Variants in MRPS35 observed in about 807,000 individuals in gnomAD.
The protein encoded by MRPS35 is mitochondrial ribosomal protein S35.
A neutral mutation model predicts 32.7 loss-of-function variants in MRPS35; 29 were observed. That is an observed-to-expected ratio of 0.89 (90% CI 0.66 to 1.21). MRPS35 has a LOEUF of 1.21. MRPS35 is among the 50% of genes most tolerant of loss of function. MRPS35 has a pLI of 0.00. For synonymous variants in MRPS35, 148 were observed against 139.3 expected, an observed-to-expected ratio of 1.06 and a Z score of -0.44; for missense variants, 373 against 383.8, an observed-to-expected ratio of 0.97 and a Z score of 0.23.
intron 5 of MRPS35, among the ~76,000 whole-genome samples, chr12:27,727,008 T>C (rs1263515978): frequency 6.9e-6 from 1 of 144,040 alleles, no homozygotes; most frequent in Non-Finnish European, 1.5e-5. Flanking sequence ...TCACCCAGGC[T>C]GGAGTGCAGT....
At chr12:27,732,487 T>C (rs992035830) in intron 5 of MRPS35, among the ~76,000 whole-genome samples, 1 of 152,186 alleles carries the variant, frequency 6.6e-6, no homozygotes, top group Non-Finnish European at 1.5e-5. Flanking sequence ...ACCTGCTGGC[T>C]GTTGAGGCTC....
chr12:27,744,962 A>G (rs1316894866), intron 7 of MRPS35, among the ~76,000 whole-genome samples: 1 of 152,116 alleles, frequency 6.6e-6, no homozygotes, highest in Non-Finnish European at 1.5e-5. Context: ...TCTCTCCCCC[A>G]CAACACACAG....
At chr12:27,711,731 C>T (rs868188190) in intron 1 of MRPS35, among the ~76,000 whole-genome samples, 1 of 151,662 alleles carries the variant, frequency 6.6e-6, no homozygotes, top group Non-Finnish European at 1.5e-5. Flanking sequence ...ATTCTCAAAA[C>T]AGCCAAATGA....
chr12:27,729,341 T>A (rs1023462729), intron 5 of MRPS35, among the ~76,000 whole-genome samples: 1 of 152,172 alleles, frequency 6.6e-6, no homozygotes, highest in Non-Finnish European at 1.5e-5. Context: ...TGCTAGGACT[T>A]CTCAGCTGAT....
chr12:27,752,058 T>C (rs1460767365), intron 7 of MRPS35, among the ~76,000 whole-genome samples: 1 of 147,904 alleles, frequency 6.8e-6, no homozygotes, highest in Non-Finnish European at 1.5e-5. Flanking sequence ...TTAGGCAACA[T>C]AGCAAGACCC....
intron 7 of MRPS35, among the ~76,000 whole-genome samples, chr12:27,745,562 G>A (rs2061979253): frequency 1.3e-5 from 2 of 148,888 alleles, no homozygotes; most frequent in Admixed American, 1.3e-4. Context: ...AGTGCCACCT[G>A]GGAAGCTTTT....
intron 5 of MRPS35, among the ~76,000 whole-genome samples, chr12:27,728,328 CTAATA>C (rs1417692247): frequency 6.6e-6 from 1 of 151,914 alleles, no homozygotes; most frequent in African/African-American, 2.4e-5. Context: ...TAGAAAGAGG[CTAATA>C]TAATAAATAC....
chr12:27,723,287 T>C (rs938947331), intron 4 of MRPS35, among the ~76,000 whole-genome samples: 2 of 152,076 alleles, frequency 1.3e-5, no homozygotes, highest in Admixed American at 6.5e-5. Flanking sequence ...TTTTTTTTTT[T>C]CCCATTAGGG....
At chr12:27,754,125 G>C (rs2062016986) in intron 7 of MRPS35, among the ~76,000 whole-genome samples, 1 of 151,976 alleles carries the variant, frequency 6.6e-6, no homozygotes, top group African/African-American at 2.4e-5. Flanking sequence ...GTGGTGGTGG[G>C]CGCCTGTACT....
At chr12:27,740,267 CTT>C (rs35636242) in intron 7 of MRPS35, among the ~76,000 whole-genome samples, 16 of 142,604 alleles carry the variant, frequency 1.1e-4, no homozygotes, top group Non-Finnish European at 9.2e-5. Context: ...CTTCCTTTGG[CTT>C]TTTTTTTTTT....
intron 5 of MRPS35, among the ~76,000 whole-genome samples, chr12:27,730,030 C>T (rs539937938): frequency 2.0e-5 from 3 of 152,242 alleles, no homozygotes; most frequent in African/African-American, 7.2e-5. Context: ...AGAAAGGTTC[C>T]AAGAATAGTA....
rs563617405 is a variant in MRPS35 at position 27,714,793 on chromosome 12, C to T, written c.126C>T (p.Pro42=). The change falls in exon 2 of 8, where the codon CCC becomes CCT. Residue 42 remains proline, a synonymous_variant. Transcript: ENST00000081029. ...TTTTACGTACAGCGGAAAGAACACCCGGAAATGAAAGGCCACCAAGAAGAA... is the reference window on the plus strand; with the variant it reads ...TTTTACGTACAGCGGAAAGAACACCTGGAAATGAAAGGCCACCAAGAAGAA... ...VPTPSLPERT[P]GNERPPRRKA... 24 of 1,610,362 alleles carry T rather than the reference C, an allele frequency of 1.5e-5. No individual in the cohort carries two copies. The highest frequency in any genetic ancestry group is 1.0e-4 in the Admixed American group (6 of 59,812).
At chr12:27,729,320 C>T (rs773496314) in intron 5 of MRPS35, among the ~76,000 whole-genome samples, 1 of 152,086 alleles carries the variant, frequency 6.6e-6, no homozygotes, top group Non-Finnish European at 1.5e-5. Flanking sequence ...GTTTACAGAC[C>T]ATGATCTGGA....
intron 1 of MRPS35, among the ~76,000 whole-genome samples, chr12:27,711,562 G>C (rs997293943): frequency 2.0e-5 from 3 of 152,074 alleles, no homozygotes; most frequent in Non-Finnish European, 4.4e-5. Flanking sequence ...AGGAGGAGCT[G>C]GCGTGAGTCT....
At position 27,715,618 on chromosome 12, in the gene MRPS35, T is replaced by C. The variant is rs1310006157; in HGVS notation, c.154-673T>C. 2.0e-5 allele frequency among the ~76,000 whole-genome samples: 3 copies of C among 152,204 alleles called. No homozygotes were observed. In the East Asian group the frequency reaches 5.8e-4, roughly 29 times the overall value. ...TTAAATGGTATCAAATTACAATCAT[T>C]AAGAGCAGTCATTTCCTCAGGACTA... On this transcript the variant is annotated intron_variant, in intron 2 of 7. Transcript: ENST00000081029.
At chr12:27,716,835 C>A (rs1286487954) in intron 3 of MRPS35, among the ~76,000 whole-genome samples, 1 of 151,934 alleles carries the variant, frequency 6.6e-6, no homozygotes, top group South Asian at 2.1e-4. Context: ...TAAAAACACA[C>A]AAAAAATTAG....
In MRPS35 at chr12:27,724,321, T is replaced by C. The variant is rs905101363; in HGVS notation, c.522+135T>C. 5 of 706,042 alleles carry C rather than the reference T, an allele frequency of 7.1e-6. No individual in the cohort carries two copies. The African/African-American group carries it at 7.5e-5, about 11-fold the overall frequency. The allele number at this position is 706,042 out of a possible 1,614,324, so 43.7% of individuals were successfully genotyped here. A position where few individuals can be genotyped will look rare whatever the true frequency, so the allele number is the denominator to read the frequency against. ...TGGGAGGCCAAGGTGGGAGAATTGCTTGAGCCCAGGAATTTGACGCCAGCC... is the reference window on the plus strand; with the variant it reads ...TGGGAGGCCAAGGTGGGAGAATTGCCTGAGCCCAGGAATTTGACGCCAGCC... On this transcript the variant is annotated intron_variant, in intron 5 of 7. Coordinates refer to ENST00000081029, the MANE Select transcript of MRPS35 (RefSeq NM_021821.4).
At chr12:27,724,518 G>A (rs558042968) in intron 5 of MRPS35, among the ~76,000 whole-genome samples, 3 of 152,274 alleles carry the variant, frequency 2.0e-5, no homozygotes, top group Admixed American at 6.5e-5. Context: ...CGAGTCAGGC[G>A]GATCACCTGA....
chr12:27,744,287 C>T (rs1411358660), intron 7 of MRPS35, among the ~76,000 whole-genome samples: 1 of 152,028 alleles, frequency 6.6e-6, no homozygotes, highest in Admixed American at 6.6e-5. Context: ...GGTAAGAATA[C>T]TAAATGTTTC....
Sources: gnomAD v4.1 joint callset for allele counts (sites outside exome capture counted in the v4.1 genomes callset) on GRCh38, gnomAD v4.1.1 for gene constraint, MANE v1.5 for transcripts, NCBI Gene and HGNC (gene_info 2026-07-23, HGNC 2026-07-21) for gene names.